Variants in JAKMIP2 observed in about 807,000 individuals in gnomAD.
JAKMIP2 encodes the protein janus kinase and microtubule-interacting protein 2.
JAKMIP2 carries 25 observed loss-of-function variants against 115.0 expected under a neutral mutation model. The observed-to-expected ratio is 0.22, with a 90% CI of 0.16 to 0.30. The LOEUF (loss-of-function observed/expected upper bound fraction) is 0.30. Among genes scored for constraint, JAKMIP2 ranks in the 10% least tolerant of loss-of-function variants. The pLI is 1.00. For synonymous variants in JAKMIP2, 334 were observed against 343.6 expected (o/e 0.97, Z 0.31); for missense variants, 642 against 957.6 (o/e 0.67, Z 4.35).
intron 16 of JAKMIP2, among the ~76,000 whole-genome samples, chr5:147,626,625 C>G (rs981126783): frequency 3.3e-5 from 5 of 152,158 alleles, no homozygotes; most frequent in Non-Finnish European, 5.9e-5. Context: ...GTGCCTATCT[C>G]AAAAGGAGCA....
intron 16 of JAKMIP2, among the ~76,000 whole-genome samples, chr5:147,625,341 A>C (rs1581312257): frequency 1.3e-5 from 2 of 152,126 alleles, no homozygotes; most frequent in East Asian, 3.9e-4. Flanking sequence ...ACTTTTATAC[A>C]CAACAGCCTT....
At chr5:147,632,308 A>T (rs1757398633) in intron 13 of JAKMIP2, among the ~76,000 whole-genome samples, 1 of 152,196 alleles carries the variant, frequency 6.6e-6, no homozygotes, top group Non-Finnish European at 1.5e-5. Flanking sequence ...AACATGTTTT[A>T]ATGAGTCAAA....
intron 4 of JAKMIP2, among the ~76,000 whole-genome samples, chr5:147,649,204 G>A (rs1029448364): frequency 1.3e-5 from 2 of 152,134 alleles, no homozygotes; most frequent in Non-Finnish European, 2.9e-5. Flanking sequence ...TGTTGACAAA[G>A]TAGTTTCAAA....
rs79243238 is a variant in JAKMIP2 at position 147,587,693 on chromosome 5, A to G, written c.*4014T>C. On this transcript the variant is annotated 3_prime_UTR_variant, in exon 22 of 22. Transcript: ENST00000616793. ...ATGTTAAAGCAAACATAAGAATTAC[A>G]CAATGGGTTTACAGGAAAATTTGAC... is the stretch of plus-strand genomic sequence containing the variant. 3 of 152,208 alleles carry G rather than the reference A, an allele frequency of 2.0e-5. No homozygotes were observed. The highest frequency in any genetic ancestry group is 4.4e-5 in the Non-Finnish European group (3 of 68,014). 9.4% of individuals were successfully genotyped at this position (152,208 alleles called of 1,614,324 possible).
At chr5:147,781,920 C>G (rs1028152211) in intron 1 of JAKMIP2, among the ~76,000 whole-genome samples, 3 of 152,100 alleles carry the variant, frequency 2.0e-5, no homozygotes, top group Non-Finnish European at 4.4e-5. Context: ...TAAAATAAAA[C>G]TGGGTCTTGC....
chr5:147,648,324 T>C, intron 5 of JAKMIP2, 52 bp downstream of exon 5: 1 of 901,528 alleles, frequency 1.1e-6, no homozygotes, highest in South Asian at 1.3e-5. Context: ...TATGTAATTC[T>C]GTAACATAAT....
At chr5:147,641,669 G>C (rs186215158) in intron 8 of JAKMIP2, 39 bp downstream of exon 8, 1 of 1,451,784 alleles carries the variant, frequency 6.9e-7, no homozygotes, top group Non-Finnish European at 9.7e-7. Context: ...CTCTCTGGCT[G>C]TTTGTGGCAA....
intron 20 of JAKMIP2, among the ~76,000 whole-genome samples, chr5:147,603,802 A>G (rs187932502): frequency 1.2e-3 from 177 of 152,330 alleles, no homozygotes; most frequent in Non-Finnish European, 1.9e-3. Context: ...ATTGTGAAAA[A>G]GTTTACATTG....
chr5:147,623,660 A>C lies in JAKMIP2; in HGVS notation c.2025T>G (p.Ala675=). Residue 675 remains alanine (A), a synonymous_variant, in exon 17 of 22, where the codon GCT becomes GCG. Transcript: ENST00000616793. ...KWIQQIEGAE[A]ALHQKMMELE... ...ATTCCATCATTTTCTGGTGTAGGGC[A>C]GCCTCAGCTCCTTCAATCTGCTGGA... 1 of 1,612,290 alleles carries C rather than the reference A, an allele frequency of 6.2e-7. No homozygotes were observed. Among genetic ancestry groups the C allele is most frequent in the African/African-American group, 1.3e-5 (1 of 74,990 alleles).
At chr5:147,694,115 C>T (rs541501203) in intron 1 of JAKMIP2, among the ~76,000 whole-genome samples, 10 of 152,306 alleles carry the variant, frequency 6.6e-5, no homozygotes, top group Non-Finnish European at 1.5e-4. Flanking sequence ...AGGCTAGAAC[C>T]TAGCTCTTGT....
chr5:147,711,357 T>C (rs904178642), intron 1 of JAKMIP2, among the ~76,000 whole-genome samples: 3 of 152,202 alleles, frequency 2.0e-5, no homozygotes, highest in African/African-American at 7.2e-5. Context: ...GTATTTATTT[T>C]GCATTGGGTA....
Position 147,611,048 on chromosome 5 carries a change from C to A in JAKMIP2, c.2412+1258G>T, listed in dbSNP as rs184150052. The stretch of plus-strand genomic sequence containing the variant: ...TGCCCCTCCCCCCACCAAGATCGGG[C>A]ACCCCAGGTTGACTTCAGACTGCTG... On this transcript the variant is annotated intron_variant, in intron 20 of 21. Coordinates refer to ENST00000616793, the MANE Select transcript of JAKMIP2 (RefSeq NM_001270941.2). 5.3e-5 allele frequency among the ~76,000 whole-genome samples: 8 copies of A among 152,268 alleles called. No individual in the cohort carries two copies. In the East Asian group the frequency reaches 1.6e-3, roughly 30 times the overall value.
At chr5:147,770,291 C>T (rs1316950634) in intron 1 of JAKMIP2, among the ~76,000 whole-genome samples, 1 of 152,056 alleles carries the variant, frequency 6.6e-6, no homozygotes, top group Non-Finnish European at 1.5e-5. Context: ...TGACTATCTA[C>T]AGTGACTCCA....
chr5:147,640,164 A>C (rs1391190036), intron 9 of JAKMIP2, among the ~76,000 whole-genome samples: 1 of 152,102 alleles, frequency 6.6e-6, no homozygotes, highest in Non-Finnish European at 1.5e-5. Context: ...TTTTTCCCCC[A>C]GATAAATCAT....
At chr5:147,684,820 A>G (rs1760491978) in intron 1 of JAKMIP2, among the ~76,000 whole-genome samples, 1 of 152,196 alleles carries the variant, frequency 6.6e-6, no homozygotes, top group South Asian at 2.1e-4. Context: ...TAGAGGCTGT[A>G]GGTCCTGATA....
At chr5:147,729,483 C>T (rs771088435) in intron 1 of JAKMIP2, among the ~76,000 whole-genome samples, 4 of 151,986 alleles carry the variant, frequency 2.6e-5, no homozygotes, top group Non-Finnish European at 5.9e-5. Flanking sequence ...ACATAAAAAG[C>T]TTTGTTCTGG....
At chr5:147,636,908 A>G in intron 11 of JAKMIP2, 57 bp downstream of exon 11, 1 of 869,414 alleles carries the variant, frequency 1.2e-6, no homozygotes, top group African/African-American at 1.6e-5. Flanking sequence ...GGTGAGCTAC[A>G]GGAAGGTCAG....
chr5:147,654,959 A>G (rs988653104), intron 3 of JAKMIP2, among the ~76,000 whole-genome samples: 4 of 152,200 alleles, frequency 2.6e-5, no homozygotes, highest in Admixed American at 2.6e-4. Context: ...TATTGAGATA[A>G]TCATGTGGTT....
chr5:147,782,529 C>G lies in JAKMIP2; in HGVS notation c.-222G>C. 2.0e-5 allele frequency: 30 copies of G among 1,494,608 alleles called. No individual in the cohort carries two copies. Among genetic ancestry groups the G allele is most frequent in the Non-Finnish European group, 2.5e-5 (28 of 1,109,258 alleles). 92.6% of individuals were successfully genotyped at this position (1,494,608 alleles called of 1,614,324 possible). The stretch of plus-strand genomic sequence containing the variant: ...GAATCCATTTTCCTTGTGACCGAGT[C>G]GGATGCAGCCTCCGAACCCAACATC... On this transcript the variant is annotated 5_prime_UTR_variant, in exon 1 of 22. Transcript: ENST00000616793.
Sources: allele counts gnomAD v4.1 joint callset (sites outside exome capture counted in the v4.1 genomes callset), GRCh38; gene constraint gnomAD v4.1.1; transcripts MANE v1.5; gene names NCBI Gene and HGNC (gene_info 2026-07-23, HGNC 2026-07-21).